NR2F1-AS1: variants seen among roughly 807,000 people sequenced by gnomAD.
NR2F1-AS1 encodes NR2F1 antisense RNA 1.
intron 4 of NR2F1-AS1, chr5:93,542,151 C>T (rs1751964566): frequency 6.7e-6 from 1 of 148,172 alleles, no homozygotes; most frequent in African/African-American, 2.5e-5. Context: ...AAAATGTGAC[C>T]TTGATAGTAA....
Position 93,550,411 on chromosome 5 carries a change from A to G in NR2F1-AS1, n.638+3350T>C, listed in dbSNP as rs1270770861. The stretch of plus-strand genomic sequence containing the variant: ...AATGCTCCACATTTTTAAGTTTGCA[A>G]CATCATGGCCTCATTGCAAATTGGG... On this transcript the variant is annotated intron_variant and non_coding_transcript_variant, in intron 4 of 5. Transcript: ENST00000660523. 2.6e-5 allele frequency among the ~76,000 whole-genome samples: 4 copies of G among 152,236 alleles called. No homozygotes were observed. The East Asian group carries it at 7.7e-4, about 29-fold the overall frequency.
At chr5:93,554,838 AG>A (rs1212792514) in intron 3 of NR2F1-AS1, 1 of 152,222 alleles carries the variant, frequency 6.6e-6, no homozygotes, top group African/African-American at 2.4e-5. Flanking sequence ...CTGTTAGCAC[AG>A]GAAGGATGAT....
chr5:93,547,986 A>G (rs926722770), intron 4 of NR2F1-AS1, among the ~76,000 whole-genome samples: 1 of 152,220 alleles, frequency 6.6e-6, no homozygotes, highest in Admixed American at 6.5e-5. Flanking sequence ...AATCAGTGTC[A>G]AGGGTTAAAA....
At chr5:93,534,434 A>G (rs897388592) in intron 4 of NR2F1-AS1, among the ~76,000 whole-genome samples, 2 of 152,198 alleles carry the variant, frequency 1.3e-5, no homozygotes, top group Non-Finnish European at 2.9e-5. Context: ...TTCACTCAAC[A>G]ACAATTCAAA....
At chr5:93,524,110 A>G (rs977366471) in intron 4 of NR2F1-AS1, among the ~76,000 whole-genome samples, 6 of 152,100 alleles carry the variant, frequency 3.9e-5, no homozygotes, top group South Asian at 4.1e-4. Flanking sequence ...GAACCTTGAA[A>G]AAAGGTAAGA....
At chr5:93,489,873 T>G (rs1750800560) in intron 4 of NR2F1-AS1, among the ~76,000 whole-genome samples, 1 of 152,178 alleles carries the variant, frequency 6.6e-6, no homozygotes, top group Non-Finnish European at 1.5e-5. Flanking sequence ...GATAGTCAGA[T>G]GTTTGGTCTA....
chr5:93,489,722 G>A (rs1263284751), intron 4 of NR2F1-AS1, among the ~76,000 whole-genome samples: 1 of 152,172 alleles, frequency 6.6e-6, no homozygotes, highest in African/African-American at 2.4e-5. Context: ...GCTAGTGTGA[G>A]TTCTGATAAA....
At chr5:93,492,014 G>A (rs968410785) in intron 4 of NR2F1-AS1, among the ~76,000 whole-genome samples, 3 of 152,034 alleles carry the variant, frequency 2.0e-5, no homozygotes, top group Non-Finnish European at 4.4e-5. Flanking sequence ...TTTCTCTGGA[G>A]AACCCTGACT....
intron 2 of NR2F1-AS1, among the ~76,000 whole-genome samples, chr5:93,561,602 G>A (rs930338872): frequency 4.0e-5 from 6 of 151,770 alleles, no homozygotes; most frequent in African/African-American, 7.3e-5. Flanking sequence ...GTGAGACCCC[G>A]TCTCTACAAA....
At chr5:93,501,246 A>C (rs1323655679) in intron 4 of NR2F1-AS1, among the ~76,000 whole-genome samples, 1 of 152,158 alleles carries the variant, frequency 6.6e-6, no homozygotes, top group Non-Finnish European at 1.5e-5. Context: ...CTTACGATAA[A>C]ACTTTTAAAA....
upstream of NR2F1-AS1, among the ~76,000 whole-genome samples, chr5:93,581,677 T>G (rs1365344008): frequency 3.1e-5 from 1 of 32,138 alleles, no homozygotes; most frequent in African/African-American, 2.1e-4. Context: ...GGTCTCTCTC[T>G]CTCTCTCTCT....
At chr5:93,478,459 G>A (rs1229479184) in intron 4 of NR2F1-AS1, among the ~76,000 whole-genome samples, 8 of 152,020 alleles carry the variant, frequency 5.3e-5, no homozygotes, top group South Asian at 4.2e-4. Context: ...GCTGGAGTAC[G>A]GTGGCACGAT....
intron 4 of NR2F1-AS1, among the ~76,000 whole-genome samples, chr5:93,534,781 T>C (rs2149902291): frequency 6.6e-6 from 1 of 152,244 alleles, no homozygotes; most frequent in African/African-American, 2.4e-5. Flanking sequence ...AAAAATCTGA[T>C]TTAAAAACCT....
intron 4 of NR2F1-AS1, chr5:93,541,755 T>A (rs936826488): frequency 6.6e-6 from 1 of 151,994 alleles, no homozygotes; most frequent in Admixed American, 6.6e-5. Context: ...CTCTCCATCC[T>A]GTATGAGCTA....
intron 4 of NR2F1-AS1, among the ~76,000 whole-genome samples, chr5:93,439,534 T>C (rs1018451916): frequency 2.0e-5 from 3 of 152,220 alleles, no homozygotes; most frequent in Non-Finnish European, 4.4e-5. Context: ...GACCTCGTGA[T>C]CCACCCGCCT....
chr5:93,482,756 C>T (rs1750627054), intron 4 of NR2F1-AS1, among the ~76,000 whole-genome samples: 1 of 152,174 alleles, frequency 6.6e-6, no homozygotes, highest in Non-Finnish European at 1.5e-5. Context: ...GACGCTCTAG[C>T]TTGGTGGAGG....
intron 4 of NR2F1-AS1, among the ~76,000 whole-genome samples, chr5:93,451,799 G>A (rs1274916764): frequency 6.6e-6 from 1 of 152,116 alleles, no homozygotes; most frequent in African/African-American, 2.4e-5. Flanking sequence ...CATATGTTCA[G>A]TAAATAAAAA....
intron 4 of NR2F1-AS1, among the ~76,000 whole-genome samples, chr5:93,426,527 C>G (rs917118732): frequency 6.6e-6 from 1 of 152,190 alleles, no homozygotes; most frequent in African/African-American, 2.4e-5. Context: ...GACTCAAAAC[C>G]TAACTACCTG....
At chr5:93,500,352 A>G (rs1295070570) in intron 4 of NR2F1-AS1, among the ~76,000 whole-genome samples, 1 of 152,158 alleles carries the variant, frequency 6.6e-6, no homozygotes, top group Non-Finnish European at 1.5e-5. Flanking sequence ...GAATTATGCT[A>G]AATCTTTTGT....
Sources: allele counts gnomAD v4.1 joint callset (sites outside exome capture counted in the v4.1 genomes callset), GRCh38; gene constraint gnomAD v4.1.1; transcripts MANE v1.5; gene names NCBI Gene and HGNC (gene_info 2026-07-23, HGNC 2026-07-21).